The following CEP162 variants were observed in gnomAD, a reference collection of about 807,000 sequenced individuals.
CEP162 encodes centrosomal protein 162.
A neutral mutation model predicts 169.2 loss-of-function variants in CEP162; 141 were observed. The ratio of observed to expected loss-of-function variants is 0.83; its 90% CI spans 0.73 to 0.96. The LOEUF is 0.96. Ranked by LOEUF, CEP162 falls within the 40% of genes least tolerant of loss-of-function variation. The pLI, the probability that CEP162 is intolerant of heterozygous loss-of-function variation, is 0.00. For missense variants in CEP162, 1,600 were observed against 1,587.2 expected (o/e 1.01, Z -0.14); for synonymous variants, 540 against 526.4 (o/e 1.03, Z -0.35).
chr6:84,175,444 A>C (rs1236088061), intron 13 of CEP162, 97 bp from the exon 14 acceptor site: 2 of 839,778 alleles, frequency 2.4e-6, no homozygotes, highest in African/African-American at 3.5e-5. Context: ...ATGGAAACAC[A>C]AAAATGAGGA....
chr6:84,124,881 T>C lies in CEP162; in HGVS notation c.*189A>G. The C allele has an allele frequency of 1.7e-6, 1 of 591,004 alleles. No individual in the cohort carries two copies. Among genetic ancestry groups the C allele is most frequent in the Non-Finnish European group, 2.9e-6 (1 of 342,670 alleles). The allele number at this position is 591,004 out of a possible 1,614,324, so 36.6% of individuals were successfully genotyped here. A position where few individuals can be genotyped will look rare whatever the true frequency, so the allele number is the denominator to read the frequency against. ...TAAAATGAGACTGGTTAATGATTTT[T>C]AGTAAAATACACCATTATATGTTTT... On this transcript the variant is annotated 3_prime_UTR_variant, in exon 27 of 27. Coordinates refer to ENST00000403245, the MANE Select transcript of CEP162 (RefSeq NM_014895.4).
At chr6:84,164,838 T>C (rs182006520) in intron 18 of CEP162, among the ~76,000 whole-genome samples, 2 of 152,162 alleles carry the variant, frequency 1.3e-5, no homozygotes, top group East Asian at 1.9e-4. Context: ...ATTCAGTACA[T>C]GTATCCCAGA....
intron 25 of CEP162, among the ~76,000 whole-genome samples, chr6:84,131,399 C>G (rs1562911800): frequency 1.3e-5 from 2 of 152,142 alleles, no homozygotes; most frequent in Non-Finnish European, 2.9e-5. Flanking sequence ...CCTGAATATC[C>G]TTGTTAACTT....
rs1430829229 is a variant in CEP162 at position 84,213,120 on chromosome 6, T to C, written c.504-96A>G. 1.6e-5 allele frequency: 11 copies of C among 707,630 alleles called. No individual in the cohort carries two copies. In the East Asian group the frequency reaches 2.0e-4, roughly 13 times the overall value. 43.8% of individuals were successfully genotyped at this position (707,630 alleles called of 1,614,324 possible). A position where few individuals can be genotyped will look rare whatever the true frequency, so the allele number is the denominator to read the frequency against. On this transcript the variant is annotated intron_variant, in intron 5 of 26. Transcript: ENST00000403245. ...CCGTTTTAAAAAATCCCTAAAATTA[T>C]ACATGTCCTCTCTCAAGTCCTTTTG...
At chr6:84,179,135 C>T (rs960326602) in intron 13 of CEP162, among the ~76,000 whole-genome samples, 3 of 152,148 alleles carry the variant, frequency 2.0e-5, no homozygotes, top group Non-Finnish European at 4.4e-5. Context: ...GTGCATCTGT[C>T]TTTATAGTAG....
chr6:84,156,606 T>C (rs2099523268), intron 21 of CEP162, among the ~76,000 whole-genome samples: 1 of 152,182 alleles, frequency 6.6e-6, no homozygotes, highest in Non-Finnish European at 1.5e-5. Context: ...GGAACACGTG[T>C]ACACTGTTGG....
At chr6:84,165,393 C>T (rs1023867375) in intron 18 of CEP162, among the ~76,000 whole-genome samples, 4 of 151,910 alleles carry the variant, frequency 2.6e-5, no homozygotes, top group Non-Finnish European at 2.9e-5. Flanking sequence ...AAGTGTTGTG[C>T]CCCATTCCTC....
intron 25 of CEP162, among the ~76,000 whole-genome samples, chr6:84,139,500 T>C (rs2129191824): frequency 6.6e-6 from 1 of 152,240 alleles, no homozygotes; most frequent in East Asian, 1.9e-4. Context: ...TCACATGGGT[T>C]GAGAAAAAAA....
At chr6:84,220,665 T>C (rs1209093014) in intron 3 of CEP162, among the ~76,000 whole-genome samples, 2 of 152,164 alleles carry the variant, frequency 1.3e-5, no homozygotes, top group Non-Finnish European at 2.9e-5. Context: ...TTTTTACTAC[T>C]GTCATTAACA....
intron 11 of CEP162, among the ~76,000 whole-genome samples, chr6:84,188,535 A>T (rs1393399191): frequency 6.6e-6 from 1 of 152,162 alleles, no homozygotes; most frequent in Non-Finnish European, 1.5e-5. Flanking sequence ...CTCTAGCTTC[A>T]TCCATGTTGG....
intron 25 of CEP162, among the ~76,000 whole-genome samples, chr6:84,145,436 G>A (rs971861893): frequency 1.3e-5 from 2 of 152,104 alleles, no homozygotes; most frequent in Non-Finnish European, 2.9e-5. Context: ...AATGAGACTA[G>A]ACTTATTTTT....
intron 6 of CEP162, among the ~76,000 whole-genome samples, chr6:84,212,263 A>G (rs1208682384): frequency 6.6e-6 from 1 of 152,166 alleles, no homozygotes; most frequent in African/African-American, 2.4e-5. Context: ...AAATATATGG[A>G]TAAATACACA....
chr6:84,186,680 C>G, intron 11 of CEP162, 57 bp from the exon 12 acceptor site: 6 of 1,386,504 alleles, frequency 4.3e-6, no homozygotes, highest in Non-Finnish European at 5.9e-6. Context: ...TTTCAAATAT[C>G]AGTAATAACC....
At chr6:84,189,679 A>C (rs1372773343) in intron 11 of CEP162, among the ~76,000 whole-genome samples, 1 of 152,032 alleles carries the variant, frequency 6.6e-6, no homozygotes, top group Admixed American at 6.6e-5. Context: ...TGTGTGGCCC[A>C]AGCCTCCCCG....
rs768020450 is a variant in CEP162, at chr6:84,204,073, C to A, written c.595G>T (p.Asp199Tyr). ...GTCAACGGTGCACCAACATACTCAT[C>A]TTCAAAATCATCACTGTAATTTTCT... ...LAENYSDDFE[D>Y]EYVGAPLTTK... The change falls in exon 7 of 27, where the codon GAT becomes TAT. Residue 199 changes from aspartate (D) to tyrosine (Y), a missense_variant. Transcript: ENST00000403245. 5.0e-6 allele frequency: 8 copies of A among 1,598,294 alleles called. No individual in the cohort carries two copies. The highest frequency in any genetic ancestry group is 6.8e-6 in the Non-Finnish European group (8 of 1,171,728).
intron 25 of CEP162, among the ~76,000 whole-genome samples, chr6:84,130,945 G>A (rs1169298408): frequency 6.6e-6 from 1 of 152,134 alleles, no homozygotes; most frequent in African/African-American, 2.4e-5. Context: ...TAATTGTGAT[G>A]TTAGGGTGTT....
At chr6:84,188,386 C>G (rs1197935337) in intron 11 of CEP162, among the ~76,000 whole-genome samples, 1 of 152,110 alleles carries the variant, frequency 6.6e-6, no homozygotes, top group Non-Finnish European at 1.5e-5. Flanking sequence ...CACCCTCCTC[C>G]CAACCTCTCA....
At chr6:84,171,956 A>G (rs2099530306) in intron 16 of CEP162, among the ~76,000 whole-genome samples, 1 of 152,238 alleles carries the variant, frequency 6.6e-6, no homozygotes, top group African/African-American at 2.4e-5. Flanking sequence ...CAAAATTCCC[A>G]AAGCCAAAGG....
At chr6:84,217,457 G>A (rs149071918) in intron 3 of CEP162, among the ~76,000 whole-genome samples, 3 of 152,308 alleles carry the variant, frequency 2.0e-5, no homozygotes, top group African/African-American at 7.2e-5. Context: ...GTTTAAGGAG[G>A]AGGAAAGCAG....
Sources: gnomAD v4.1 joint callset for allele counts (sites outside exome capture counted in the v4.1 genomes callset) on GRCh38, gnomAD v4.1.1 for gene constraint, MANE v1.5 for transcripts, NCBI Gene and HGNC (gene_info 2026-07-23, HGNC 2026-07-21) for gene names.